NEK10: variants seen among roughly 807,000 people sequenced by gnomAD.
The protein encoded by NEK10 is NIMA related kinase 10, also known as serine/threonine-protein kinase Nek10.
A neutral mutation model predicts 159.8 loss-of-function variants in NEK10; 122 were observed. The ratio of observed to expected loss-of-function variants is 0.76; its 90% confidence interval spans 0.66 to 0.89. The LOEUF (loss-of-function observed/expected upper bound fraction) is 0.89. NEK10 is among the 40% of genes least tolerant of loss of function. NEK10 has a pLI of 0.00. For synonymous variants in NEK10, 466 were observed against 457.1 expected, an observed-to-expected ratio of 1.02 and a Z score of -0.25; for missense variants, 1,342 against 1,323.1, an observed-to-expected ratio of 1.01 and a Z score of -0.22.
chr3:27,298,775 T>C (rs2043567801), intron 13 of NEK10, among the ~76,000 whole-genome samples: 1 of 152,134 alleles, frequency 6.6e-6, no homozygotes, highest in Non-Finnish European at 1.5e-5. Flanking sequence ...GGAGCCAAGG[T>C]GACTCTTGCT....
chr3:27,191,517 A>C (rs1377339634), intron 26 of NEK10, among the ~76,000 whole-genome samples: 3 of 152,264 alleles, frequency 2.0e-5, no homozygotes, highest in Admixed American at 6.5e-5. Context: ...ATATACTTAA[A>C]TATCAAAACA....
At chr3:27,119,674 T>A in intron 33 of NEK10, 86 bp downstream of exon 33, 15 of 1,013,548 alleles carry the variant, frequency 1.5e-5, no homozygotes, top group South Asian at 3.1e-5. Context: ...TAAAAAAAAA[T>A]TGGAGATAAT....
intron 25 of NEK10, among the ~76,000 whole-genome samples, chr3:27,198,502 T>C (rs1949753369): frequency 6.6e-6 from 1 of 152,060 alleles, no homozygotes; most frequent in Admixed American, 6.5e-5. Context: ...CACCATCTGA[T>C]CTTCAACAAA....
At chr3:27,146,531 C>T (rs1485513514) in intron 30 of NEK10, among the ~76,000 whole-genome samples, 1 of 152,164 alleles carries the variant, frequency 6.6e-6, no homozygotes. Context: ...ATTGGACCAA[C>T]AGTGTTGTCA....
At chr3:27,357,006 G>C (rs1389984541) in intron 1 of NEK10, among the ~76,000 whole-genome samples, 1 of 152,186 alleles carries the variant, frequency 6.6e-6, no homozygotes. Context: ...TATTTTGTCA[G>C]TTATTTGCTT....
chr3:27,368,617 G>C (rs1354285853), intron 1 of NEK10, among the ~76,000 whole-genome samples: 1 of 152,162 alleles, frequency 6.6e-6, no homozygotes, highest in Non-Finnish European at 1.5e-5. Flanking sequence ...GCCCAAAATA[G>C]GGAATCCAAG....
intron 23 of NEK10, among the ~76,000 whole-genome samples, chr3:27,218,211 C>A (rs66941564): frequency 0.21 from 32,122 of 152,066 alleles, 3,395 homozygotes; most frequent in African/African-American, 0.25. Context: ...CAGAATGGTA[C>A]GCAATTTAAA....
intron 32 of NEK10, among the ~76,000 whole-genome samples, chr3:27,122,778 CA>C (rs978354123): frequency 4.0e-4 from 61 of 151,906 alleles, no homozygotes; most frequent in African/African-American, 1.4e-3. Flanking sequence ...TTTAAAGCCT[CA>C]AAAAAAATTA....
At chr3:27,233,475 C>G (rs556274933) in intron 23 of NEK10, among the ~76,000 whole-genome samples, 1 of 152,138 alleles carries the variant, frequency 6.6e-6, no homozygotes, top group Admixed American at 6.6e-5. Flanking sequence ...CTAGTACAAT[C>G]ACTATGGAAA....
chr3:27,111,451 T>C, intron 35 of NEK10, 131 bp from the exon 36 acceptor site: 1 of 692,140 alleles, frequency 1.4e-6, no homozygotes, highest in East Asian at 3.1e-5. Flanking sequence ...ATTATTTTTG[T>C]TAGGATGGGG....
intron 23 of NEK10, chr3:27,252,149 G>A (rs1955733147): frequency 6.7e-6 from 3 of 447,426 alleles, no homozygotes; most frequent in Non-Finnish European, 1.4e-5. Flanking sequence ...CAAGTCCTAT[G>A]CTTATGGAGC....
intron 23 of NEK10, among the ~76,000 whole-genome samples, chr3:27,255,656 C>T (rs762441880): frequency 1.3e-5 from 2 of 152,130 alleles, no homozygotes; most frequent in Non-Finnish European, 2.9e-5. Context: ...AAGATTCTTA[C>T]TTCATAATAA....
chr3:27,276,013 C>G (rs2041745030), intron 22 of NEK10, among the ~76,000 whole-genome samples: 1 of 152,092 alleles, frequency 6.6e-6, no homozygotes, highest in Non-Finnish European at 1.5e-5. Context: ...GTTTTAAGCA[C>G]TCTTTCTAGA....
At chr3:27,237,795 C>T (rs1008304715) in intron 23 of NEK10, among the ~76,000 whole-genome samples, 1 of 152,038 alleles carries the variant, frequency 6.6e-6, no homozygotes, top group African/African-American at 2.4e-5. Flanking sequence ...ACCACCTGTA[C>T]CCCAAAAACT....
At chr3:27,280,168 T>G (rs1575570786) in intron 22 of NEK10, among the ~76,000 whole-genome samples, 1 of 131,548 alleles carries the variant, frequency 7.6e-6, no homozygotes, top group African/African-American at 3.0e-5. Flanking sequence ...ACAGGAACAA[T>G]GAGAATGGGC....
chr3:27,131,019 T>C (rs1469984128), intron 32 of NEK10, among the ~76,000 whole-genome samples: 2 of 152,200 alleles, frequency 1.3e-5, no homozygotes, highest in Non-Finnish European at 2.9e-5. Context: ...GTTGTTTGCA[T>C]TTCTTATCAA....
At chr3:27,305,625 A>ATAATAAT (rs1553627450) in intron 11 of NEK10, among the ~76,000 whole-genome samples, 2 of 40,492 alleles carry the variant, frequency 4.9e-5, no homozygotes, top group Non-Finnish European at 1.0e-4. Flanking sequence ...AAAAAAAAAA[A>ATAATAAT]AAAAATAATA....
intron 30 of NEK10, among the ~76,000 whole-genome samples, chr3:27,153,879 A>G (rs1307103167): frequency 6.6e-6 from 1 of 152,214 alleles, no homozygotes; most frequent in African/African-American, 2.4e-5. Context: ...CTGACATTCT[A>G]AGGTCACACC....
At chr3:27,336,876 A>G (rs2046838679) in intron 5 of NEK10, among the ~76,000 whole-genome samples, 1 of 152,108 alleles carries the variant, frequency 6.6e-6, no homozygotes, top group South Asian at 2.1e-4. Flanking sequence ...ATAGAAAAAT[A>G]TCAACTTCAG....
Sources: gnomAD v4.1 joint callset for allele counts (sites outside exome capture counted in the v4.1 genomes callset) on GRCh38, gnomAD v4.1.1 for gene constraint, MANE v1.5 for transcripts, NCBI Gene and HGNC (gene_info 2026-07-23, HGNC 2026-07-21) for gene names.